Variants in RHOBTB2 observed in about 807,000 individuals in gnomAD.
The protein encoded by RHOBTB2 is Rho related BTB domain containing 2.
In RHOBTB2, 39 loss-of-function variants were observed where a neutral mutation model predicts 66.5. That is an observed-to-expected ratio of 0.59 (90% CI 0.45 to 0.77). The LOEUF is 0.77. Among genes scored for constraint, RHOBTB2 ranks in the 30% least tolerant of loss-of-function variants. RHOBTB2 has a pLI of 0.00. For synonymous variants in RHOBTB2, 390 were observed against 395.0 expected (o/e 0.99, Z 0.15); for missense variants, 755 against 999.1 (o/e 0.76, Z 3.29).
intron 1 of RHOBTB2, among the ~76,000 whole-genome samples, chr8:22,988,152 CCTTTT>C (rs1194583133): frequency 7.2e-6 from 1 of 139,466 alleles, no homozygotes; most frequent in Non-Finnish European, 1.5e-5. Context: ...TGCTCCTTCC[CCTTTT>C]TTTTTTTTTT....
chr8:22,992,787 G>A (rs763530421), intron 2 of RHOBTB2, among the ~76,000 whole-genome samples: 2 of 152,198 alleles, frequency 1.3e-5, no homozygotes, highest in Non-Finnish European at 2.9e-5. Flanking sequence ...TACTGAAGTC[G>A]GAGATGTTTC....
upstream of RHOBTB2, among the ~76,000 whole-genome samples, chr8:22,997,260 CTGA>C (rs10592460): frequency 0.75 from 113,608 of 151,428 alleles, 43,903 homozygotes; most frequent in Non-Finnish European, 0.83. Flanking sequence ...TGGAGGAACT[CTGA>C]TGATAAGAGG....
intron 8 of RHOBTB2, 42 bp from the exon 9 acceptor site, chr8:23,015,596 C>T (rs760191949): frequency 1.8e-5 from 25 of 1,424,028 alleles, no homozygotes; most frequent in Non-Finnish European, 2.4e-5. Context: ...GACCCTCTCC[C>T]CTGGGGATTT....
intron 1 of RHOBTB2, among the ~76,000 whole-genome samples, chr8:22,991,192 G>A (rs1173840815): frequency 1.3e-5 from 2 of 152,082 alleles, no homozygotes; most frequent in Non-Finnish European, 2.9e-5. Context: ...CTGCCCTGTG[G>A]GCTTCTCATC....
rs1290967106 is a variant in RHOBTB2, at chr8:23,006,643, G to A, written c.483-85G>A. 7.3e-7 allele frequency: 1 copy of A among 1,369,012 alleles called. No individual in the cohort carries two copies. Among genetic ancestry groups the A allele is most frequent in the African/African-American group, 1.4e-5 (1 of 69,470 alleles). 84.8% of individuals were successfully genotyped at this position (1,369,012 alleles called of 1,614,324 possible). A position where few individuals can be genotyped will look rare whatever the true frequency, so the allele number is the denominator to read the frequency against. On this transcript the variant is annotated intron_variant, in intron 4 of 9. Transcript: ENST00000251822. This position sits in a 1 kb window ranked among gnomAD's most constrained non-coding sequence, Gnocchi z 6.1. ...GGGTGGGGATTGGCACCCAGATCCT[G>A]AGCAGAGTCCCTCCAGCCTGTGGAA...
chr8:22,974,605 T>C, the RHOBTB2 span, among the ~76,000 whole-genome samples: 106 of 152,314 alleles, frequency 7.0e-4, 1 homozygote, highest in East Asian at 0.02. Flanking sequence ...GAGATTTCGG[T>C]TCCCTGAAGG....
the RHOBTB2 span, among the ~76,000 whole-genome samples, chr8:22,979,066 C>T: frequency 6.6e-6 from 1 of 152,124 alleles, no homozygotes; most frequent in Non-Finnish European, 1.5e-5. Flanking sequence ...GGTTAAATTA[C>T]ATTTTCTTTT....
the RHOBTB2 span, among the ~76,000 whole-genome samples, chr8:22,951,146 G>A: frequency 1.3e-5 from 2 of 151,394 alleles, no homozygotes; most frequent in Non-Finnish European, 2.9e-5. Flanking sequence ...TGATGTAACT[G>A]AGCAACCCCA....
In RHOBTB2 at chr8:23,006,505, G is replaced by A; in HGVS notation, c.483-223G>A. ...GGCAGTGCTGTCACGGCTTTGTACT[G>A]GGGAGGTCACTGGGGCCTGGCATAG... is the stretch of plus-strand genomic sequence containing the variant. On this transcript the variant is annotated intron_variant, in intron 4 of 9. Transcript: ENST00000251822. This position sits in a 1 kb window ranked among gnomAD's most constrained non-coding sequence, Gnocchi z 6.1. 1.7e-6 allele frequency: 1 copy of A among 591,934 alleles called. No homozygotes were observed. The highest frequency in any genetic ancestry group is 3.0e-6 in the Non-Finnish European group (1 of 333,930). The allele number at this position is 591,934 out of a possible 1,614,324, so 36.7% of individuals were successfully genotyped here.
In RHOBTB2 at chr8:23,017,989, C is replaced by G. The variant is rs950817262; in HGVS notation, c.*520C>G. On this transcript the variant is annotated 3_prime_UTR_variant, in exon 10 of 10. Coordinates refer to ENST00000251822, the MANE Select transcript of RHOBTB2 (RefSeq NM_015178.3). The surrounding 1 kb of genome is among the most constrained non-coding windows in gnomAD (Gnocchi z 5.3). ...GGAGAAGTCAGGGTAGAAATTGAGC[C>G]TTCAGAGCCCAACTCAAGGCTTCTA... 1 of 162,092 alleles carries G rather than the reference C, an allele frequency of 6.2e-6. No individual in the cohort carries two copies. Among genetic ancestry groups the G allele is most frequent in the South Asian group, 1.6e-4 (1 of 6,206 alleles). The allele number at this position is 162,092 out of a possible 1,614,324, so 10.0% of individuals were successfully genotyped here. A position where few individuals can be genotyped will look rare whatever the true frequency, so the allele number is the denominator to read the frequency against.
chr8:23,015,672 TCCA>T lies in RHOBTB2; in HGVS notation c.1900_1902del (p.His634del). On this transcript the variant is annotated inframe_deletion, in exon 9 of 10. Transcript: ENST00000251822. ...GCGTACCAGCTGGCCGACTGGTGTCTCCACCACATCTGCACCAACTACAACAAC... is the reference window on the plus strand; with the variant it reads ...GCGTACCAGCTGGCCGACTGGTGTCTCCACATCTGCACCAACTACAACAAC... 1 of 1,613,894 alleles carries T rather than the reference TCCA, an allele frequency of 6.2e-7. No homozygotes were observed. Among genetic ancestry groups the T allele is most frequent in the Non-Finnish European group, 8.5e-7 (1 of 1,179,836 alleles).
chr8:22,954,311 TTTTTG>T, the RHOBTB2 span, among the ~76,000 whole-genome samples: 93 of 152,346 alleles, frequency 6.1e-4, no homozygotes, highest in African/African-American at 1.8e-3. Flanking sequence ...AGACAGGTTT[TTTTTG>T]TTTTGTTTTG....
chr8:22,958,384 C>A, the RHOBTB2 span, among the ~76,000 whole-genome samples: 1 of 152,086 alleles, frequency 6.6e-6, no homozygotes, highest in Non-Finnish European at 1.5e-5. Context: ...TAAATGCTGG[C>A]AAACTGGGGC....
At chr8:22,987,821 T>TCTGGGG (rs1810318887) in intron 1 of RHOBTB2, among the ~76,000 whole-genome samples, 1 of 152,200 alleles carries the variant, frequency 6.6e-6, no homozygotes, top group Non-Finnish European at 1.5e-5. Flanking sequence ...GGCAGCCAGA[T>TCTGGGG]CTGGGGCAGG....
upstream of RHOBTB2, among the ~76,000 whole-genome samples, chr8:22,999,397 G>A (rs1334519002): frequency 6.6e-6 from 1 of 151,698 alleles, no homozygotes; most frequent in East Asian, 2.0e-4. Context: ...CCCTCCCCGC[G>A]GCGTCGCTGC....
At chr8:22,983,620 C>T (rs1384332553), upstream of RHOBTB2, among the ~76,000 whole-genome samples, 1 of 152,070 alleles carries the variant, frequency 6.6e-6, no homozygotes, top group Admixed American at 6.5e-5. Flanking sequence ...TTTTACTTTT[C>T]TACCTTGAGG....
chr8:22,999,338 C>T (rs187644016), upstream of RHOBTB2, among the ~76,000 whole-genome samples: 367 of 152,232 alleles, frequency 2.4e-3, no homozygotes, highest in African/African-American at 8.5e-3. Context: ...AGAGCCTTTG[C>T]GCCTCGCCAG....
rs200463892 is a variant in RHOBTB2 at position 23,014,676 on chromosome 8, C to G, written c.1772-14C>G. The stretch of plus-strand genomic sequence containing the variant: ...TGTGCTTCTTCAGCTGATTGGTGGC[C>G]GTGTGTGTTACAGAGCAGTACACAG... On this transcript the variant is annotated splice_polypyrimidine_tract_variant and intron_variant, in intron 7 of 9. Coordinates refer to ENST00000251822, the MANE Select transcript of RHOBTB2 (RefSeq NM_015178.3). 3.1e-6 allele frequency: 5 copies of G among 1,611,402 alleles called. No individual in the cohort carries two copies. The highest frequency in any genetic ancestry group is 3.4e-6 in the Non-Finnish European group (4 of 1,177,816).
At chr8:22,979,882 T>C in the RHOBTB2 span, among the ~76,000 whole-genome samples, 128,117 of 150,472 alleles carry the variant, frequency 0.85, 54,637 homozygotes, top group East Asian at 0.95. Context: ...CTCAGCCTCC[T>C]GAGTAGCTGG....
Sources: allele counts gnomAD v4.1 joint callset (sites outside exome capture counted in the v4.1 genomes callset), GRCh38; gene constraint gnomAD v4.1.1; non-coding constraint Gnocchi (gnomAD v3.1); transcripts MANE v1.5; gene names NCBI Gene and HGNC (gene_info 2026-07-23, HGNC 2026-07-21).